CELF2: variants seen among roughly 807,000 people sequenced by gnomAD.
CELF2 encodes the protein CUGBP Elav-like family member 2, also known as CUG triplet repeat RNA-binding protein 2.
In CELF2, 8 loss-of-function variants were observed where a neutral mutation model predicts 62.6. The observed-to-expected ratio is 0.13, with a 90% CI of 0.07 to 0.23. The LOEUF (loss-of-function observed/expected upper bound fraction) is 0.23. Among genes scored for constraint, CELF2 ranks in the 10% least tolerant of loss-of-function variants. CELF2 has a pLI of 1.00. For synonymous variants in CELF2, 258 were observed against 250.0 expected, an observed-to-expected ratio of 1.03 and a Z score of -0.30; for missense variants, 333 against 671.0, an observed-to-expected ratio of 0.50 and a Z score of 5.56.
chr10:10,808,296 C>A (rs2055453136), intron 1 of CELF2, among the ~76,000 whole-genome samples: 2 of 152,170 alleles, frequency 1.3e-5, no homozygotes, highest in African/African-American at 4.8e-5. Context: ...TGAAATACCA[C>A]ATTTACCTGT....
At chr10:10,937,121 CTTTTTTTTTTT>C (rs373143426) in intron 2 of CELF2, among the ~76,000 whole-genome samples, 2 of 90,538 alleles carry the variant, frequency 2.2e-5, no homozygotes, top group African/African-American at 5.1e-5. Flanking sequence ...TTTTTCTTTT[CTTTTTTTTTTT>C]TTTTTTTTTT....
chr10:10,500,693 A>G, the CELF2 span, among the ~76,000 whole-genome samples: 1 of 152,186 alleles, frequency 6.6e-6, no homozygotes, highest in African/African-American at 2.4e-5. Context: ...ACTATAGTAC[A>G]ACATCACAAC....
intron 6 of CELF2, 133 bp downstream of exon 6, chr10:11,266,810 T>A (rs758348025): frequency 3.3e-6 from 2 of 612,962 alleles, no homozygotes; most frequent in Non-Finnish European, 5.6e-6. Context: ...TTTCATTCAT[T>A]CATTCTCATT....
the CELF2 span, among the ~76,000 whole-genome samples, chr10:10,779,587 G>A: frequency 6.6e-6 from 1 of 151,990 alleles, no homozygotes; most frequent in Non-Finnish European, 1.5e-5. Flanking sequence ...AGCCCTAGCT[G>A]TGATGACCAT....
the CELF2 span, among the ~76,000 whole-genome samples, chr10:10,733,185 A>T: frequency 6.6e-6 from 1 of 151,580 alleles, no homozygotes; most frequent in Non-Finnish European, 1.5e-5. Flanking sequence ...TGTGTAGACA[A>T]GTAGAGTCTA....
chr10:10,986,795 T>A (rs563435755), intron 2 of CELF2, among the ~76,000 whole-genome samples: 1 of 152,216 alleles, frequency 6.6e-6, no homozygotes, highest in East Asian at 1.9e-4. Context: ...CAGGGAGGAA[T>A]GTGTGAGATA....
chr10:10,620,994 CG>C, the CELF2 span, among the ~76,000 whole-genome samples: 1 of 145,524 alleles, frequency 6.9e-6, no homozygotes, highest in East Asian at 2.0e-4. Flanking sequence ...GAGGCCGAGG[CG>C]GGCAGATCAA....
At chr10:10,675,390 T>C in the CELF2 span, among the ~76,000 whole-genome samples, 2 of 152,246 alleles carry the variant, frequency 1.3e-5, no homozygotes, top group African/African-American at 4.8e-5. Context: ...GTTTTTTCCC[T>C]TTGACTTTCA....
chr10:10,933,008 C>G (rs924153674), intron 2 of CELF2, among the ~76,000 whole-genome samples: 142 of 152,086 alleles, frequency 9.3e-4, no homozygotes, highest in African/African-American at 3.3e-3. Flanking sequence ...AAAAAATTGA[C>G]ACAAGGCCGG....
chr10:10,475,266 C>T, the CELF2 span, among the ~76,000 whole-genome samples: 1 of 151,936 alleles, frequency 6.6e-6, no homozygotes, highest in African/African-American at 2.4e-5. Flanking sequence ...AAAGAGATGA[C>T]AGAATTTTCT....
At position 11,159,131 on chromosome 10, in the gene CELF2, G is replaced by A. The variant is rs565962136; in HGVS notation, c.75-6355G>A. Among the ~76,000 whole-genome samples, 1 of 152,166 alleles carries A rather than the reference G, an allele frequency of 6.6e-6. No homozygotes were observed. The highest frequency in any genetic ancestry group is 1.5e-5 in the Non-Finnish European group (1 of 68,046). On this transcript the variant is annotated intron_variant, in intron 1 of 12. Transcript: ENST00000633077. This position sits in a 1 kb window ranked among gnomAD's most constrained non-coding sequence, Gnocchi z 5.0. ...GTGGCCATCTCAGAGATGGTTTGGG[G>A]CCTCATTCCATAATTTATGTGGCAG... is the stretch of plus-strand genomic sequence containing the variant.
At chr10:10,903,318 G>C (rs2063084580) in intron 1 of CELF2, among the ~76,000 whole-genome samples, 1 of 152,168 alleles carries the variant, frequency 6.6e-6, no homozygotes, top group Admixed American at 6.5e-5. Flanking sequence ...TGAAAACGAA[G>C]ATGGCTATAC....
chr10:11,096,880 C>A (rs1227240412), intron 1 of CELF2, among the ~76,000 whole-genome samples: 1 of 152,222 alleles, frequency 6.6e-6, no homozygotes, highest in Admixed American at 6.5e-5. Context: ...GAATTCTATA[C>A]TTGACCTTAA....
intron 1 of CELF2, among the ~76,000 whole-genome samples, chr10:10,883,556 T>C (rs1005125392): frequency 6.6e-6 from 1 of 152,142 alleles, no homozygotes; most frequent in Non-Finnish European, 1.5e-5. Flanking sequence ...AATGGCATTT[T>C]TAGGCTCTGG....
rs1015234564 is a variant in CELF2 at position 11,268,183 on chromosome 10, T to A, written c.618+1506T>A. ...CTGATTTCCAGCCACATTTTAATCT[T>A]CAATTCAGTTTGAAGATTAAAATGA... On this transcript the variant is annotated intron_variant, in intron 6 of 12. Transcript: ENST00000633077. The surrounding 1 kb of genome is among the most constrained non-coding windows in gnomAD (Gnocchi z 4.7). 1.3e-5 allele frequency among the ~76,000 whole-genome samples: 2 copies of A among 152,152 alleles called. No homozygotes were observed. The highest frequency in any genetic ancestry group is 4.8e-5 in the African/African-American group (2 of 41,420).
At chr10:10,643,383 G>A in the CELF2 span, among the ~76,000 whole-genome samples, 1 of 152,068 alleles carries the variant, frequency 6.6e-6, no homozygotes, top group Non-Finnish European at 1.5e-5. Context: ...TCTATAAAGC[G>A]CAGTTCCCCT....
At chr10:10,492,308 C>A in the CELF2 span, among the ~76,000 whole-genome samples, 1 of 152,144 alleles carries the variant, frequency 6.6e-6, no homozygotes, top group Non-Finnish European at 1.5e-5. Context: ...TTCTCTAAAC[C>A]AAGCTGATTA....
intron 1 of CELF2, among the ~76,000 whole-genome samples, chr10:11,078,253 G>T (rs1044092007): frequency 1.1e-4 from 17 of 149,148 alleles, no homozygotes; most frequent in African/African-American, 3.6e-4. Context: ...AGGAAGTGGT[G>T]GGGGGCGGAA....
At position 10,828,000 on chromosome 10, in the gene CELF2, T is replaced by TAAAAA. The variant is rs66721705; in HGVS notation, c.53+29203_53+29207dup. On this transcript the variant is annotated intron_variant, in intron 1 of 13. Transcript: ENST00000636488. ...TCATACCCGTCAGGAAGGCTAGTCT[T>TAAAAA]AAAAAAAAAAAAAAAAAAAAAAAAG... Among the ~76,000 whole-genome samples the TAAAAA allele has an allele frequency of 3.1e-3, 187 of 60,670 alleles. 2 individuals are homozygous for TAAAAA. Among genetic ancestry groups the TAAAAA allele is most frequent in the East Asian group, 5.3e-3 (10 of 1,872 alleles). 39.8% of individuals were successfully genotyped at this position (60,670 alleles called of 152,430 possible).
Sources: gnomAD v4.1 joint callset for allele counts (sites outside exome capture counted in the v4.1 genomes callset) on GRCh38, gnomAD v4.1.1 for gene constraint, Gnocchi (gnomAD v3.1) non-coding constraint, MANE v1.5 for transcripts, NCBI Gene and HGNC (gene_info 2026-07-23, HGNC 2026-07-21) for gene names.